The following IL1RAPL2 variants were observed in gnomAD, a reference collection of about 807,000 sequenced individuals.
IL1RAPL2 encodes the protein X-linked interleukin-1 receptor accessory protein-like 2.
Under a neutral mutation model 44.1 loss-of-function variants are expected in IL1RAPL2, and 3 were observed. The ratio of observed to expected loss-of-function variants is 0.07; its 90% confidence interval spans 0.03 to 0.18. The LOEUF (loss-of-function observed/expected upper bound fraction) is 0.18, where lower values mean the gene tolerates loss of function less well. Ranked by LOEUF, IL1RAPL2 falls within the 10% of genes least tolerant of loss-of-function variation. The pLI, the probability that IL1RAPL2 is intolerant of heterozygous loss-of-function variation, is 1.00. For synonymous variants in IL1RAPL2, 181 were observed against 178.8 expected (o/e 1.01, Z -0.10); for missense variants, 391 against 496.4 (o/e 0.79, Z 2.02).
At chrX:105,128,514 ATTCC>A (rs2032997134) in intron 2 of IL1RAPL2, among the ~76,000 whole-genome samples, 1 of 111,271 alleles carries the variant, frequency 9.0e-6, no homozygotes, top group African/African-American at 3.3e-5. Context: ...CATTTTGGAA[ATTCC>A]TTCAAGTCAT....
chrX:105,325,827 T>C (rs907713739), intron 5 of IL1RAPL2, among the ~76,000 whole-genome samples: 13 of 110,408 alleles, frequency 1.2e-4, no homozygotes, highest in Admixed American at 5.8e-4. Context: ...GATGACTAAA[T>C]GATGTTGGGC....
At chrX:104,884,848 AATG>A (rs1181223543) in intron 2 of IL1RAPL2, among the ~76,000 whole-genome samples, 1 of 111,060 alleles carries the variant, frequency 9.0e-6, no homozygotes, top group Non-Finnish European at 1.9e-5. Flanking sequence ...CCTTCCTATT[AATG>A]ATAAGCCTCC....
At chrX:104,822,769 G>A (rs1277692272) in intron 2 of IL1RAPL2, among the ~76,000 whole-genome samples, 2 of 111,929 alleles carry the variant, frequency 1.8e-5, no homozygotes, top group Admixed American at 9.5e-5. Flanking sequence ...GAAATTTAAA[G>A]TCGTTTTTTT....
intron 2 of IL1RAPL2, among the ~76,000 whole-genome samples, chrX:105,127,263 G>A (rs969803469): frequency 3.6e-5 from 4 of 111,331 alleles, no homozygotes; most frequent in African/African-American, 1.3e-4. Context: ...TTGGAAGATT[G>A]ACAGGCTTAG....
At chrX:104,583,637 A>G (rs1334727502) in intron 1 of IL1RAPL2, among the ~76,000 whole-genome samples, 3 of 111,965 alleles carry the variant, frequency 2.7e-5, no homozygotes, top group Non-Finnish European at 3.8e-5. Context: ...TTTGTTTACC[A>G]TTCATCAATT....
At chrX:104,889,781 T>G (rs965503827) in intron 2 of IL1RAPL2, among the ~76,000 whole-genome samples, 1 of 101,681 alleles carries the variant, frequency 9.8e-6, no homozygotes, top group Non-Finnish European at 2.1e-5. Flanking sequence ...GAAATCTATC[T>G]TTATTTTACA....
At chrX:104,582,717 CTT>C (rs1472087053) in intron 1 of IL1RAPL2, among the ~76,000 whole-genome samples, 1 of 77,503 alleles carries the variant, frequency 1.3e-5, no homozygotes, top group South Asian at 6.5e-4. Flanking sequence ...TTATTTCTTT[CTT>C]TCTCTCTCTC....
chrX:105,502,374 A>G (rs1055871837), intron 6 of IL1RAPL2, among the ~76,000 whole-genome samples: 14 of 111,787 alleles, frequency 1.3e-4, no homozygotes, highest in Non-Finnish European at 1.7e-4. Context: ...TTCTGGATAT[A>G]CTTAATGAAG....
intron 1 of IL1RAPL2, among the ~76,000 whole-genome samples, chrX:104,625,529 G>A (rs1323733061): frequency 9.0e-6 from 1 of 110,980 alleles, no homozygotes; most frequent in Non-Finnish European, 1.9e-5. Flanking sequence ...ATCTCCATTT[G>A]TTGTCTTCTT....
At chrX:104,690,101 CAAT>C (rs1931066000) in intron 2 of IL1RAPL2, among the ~76,000 whole-genome samples, 1 of 111,886 alleles carries the variant, frequency 8.9e-6, no homozygotes, top group African/African-American at 3.2e-5. Context: ...ATGAGCAACA[CAAT>C]AATTTGCTTT....
chrX:105,172,720 T>C (rs1375137059), intron 2 of IL1RAPL2, among the ~76,000 whole-genome samples: 1 of 111,845 alleles, frequency 8.9e-6, no homozygotes, highest in Non-Finnish European at 1.9e-5. Flanking sequence ...CTGAATAATC[T>C]CCCTATTTTG....
chrX:104,898,602 C>G (rs1923722612), intron 2 of IL1RAPL2, among the ~76,000 whole-genome samples: 1 of 112,521 alleles, frequency 8.9e-6, no homozygotes, highest in Non-Finnish European at 1.9e-5. Context: ...TCTTAGCAAA[C>G]CAGACATGTA....
intron 2 of IL1RAPL2, among the ~76,000 whole-genome samples, chrX:104,724,549 T>A (rs1307091782): frequency 9.0e-6 from 1 of 111,220 alleles, no homozygotes; most frequent in African/African-American, 3.3e-5. Flanking sequence ...CCAATGCAGA[T>A]TTAAGAAACT....
chrX:105,276,970 G>T (rs987678881), intron 5 of IL1RAPL2, among the ~76,000 whole-genome samples: 1 of 111,991 alleles, frequency 8.9e-6, no homozygotes, highest in African/African-American at 3.2e-5. Flanking sequence ...ATTTATGGAT[G>T]TAATACTATG....
Position 105,767,070 on chromosome X carries a change from A to G in IL1RAPL2, c.1470A>G (p.Glu490=). 1 of 1,205,911 alleles carries G rather than the reference A, an allele frequency of 8.3e-7. No individual in the cohort carries two copies. Among genetic ancestry groups the G allele is most frequent in the Non-Finnish European group, 1.1e-6 (1 of 890,207 alleles). ...GGGGATGGAGTATTTTCGAACTGGAAAGCAGACTCCATAACATGCTAGTCA... is the reference window on the plus strand; with the variant it reads ...GGGGATGGAGTATTTTCGAACTGGAGAGCAGACTCCATAACATGCTAGTCA... ...LRRGWSIFEL[E]SRLHNMLVSG... Residue 490 remains glutamate (E), a synonymous_variant, in exon 11 of 11, where the codon GAA becomes GAG. Transcript: ENST00000372582.
At chrX:104,929,780 CA>C (rs1924854496) in intron 2 of IL1RAPL2, among the ~76,000 whole-genome samples, 1 of 111,408 alleles carries the variant, frequency 9.0e-6, no homozygotes, top group Admixed American at 9.6e-5. Context: ...CTCTTTGCCA[CA>C]AAAGACACTT....
intron 2 of IL1RAPL2, among the ~76,000 whole-genome samples, chrX:104,906,478 C>T (rs1222733945): frequency 9.0e-6 from 1 of 111,298 alleles, no homozygotes; most frequent in Non-Finnish European, 1.9e-5. Flanking sequence ...AAATAACGTC[C>T]CATCAATACC....
At chrX:104,983,129 T>G (rs1285050693) in intron 2 of IL1RAPL2, among the ~76,000 whole-genome samples, 1 of 109,920 alleles carries the variant, frequency 9.1e-6, no homozygotes, top group African/African-American at 3.3e-5. Context: ...TCACTGTATC[T>G]TAAGGCATGC....
intron 2 of IL1RAPL2, among the ~76,000 whole-genome samples, chrX:104,909,149 T>G (rs1924139989): frequency 8.9e-6 from 1 of 112,269 alleles, no homozygotes; most frequent in Admixed American, 9.5e-5. Context: ...CTCCTGAGGC[T>G]TCTGCATTAT....
Sources: gnomAD v4.1 joint callset for allele counts (sites outside exome capture counted in the v4.1 genomes callset) on GRCh38, gnomAD v4.1.1 for gene constraint, MANE v1.5 for transcripts, NCBI Gene and HGNC (gene_info 2026-07-23, HGNC 2026-07-21) for gene names.